Variants in PPP1R12A observed in about 807,000 individuals in gnomAD.
The protein encoded by PPP1R12A is myosin binding subunit.
In PPP1R12A, 19 loss-of-function variants were observed where a neutral mutation model predicts 139.6. That is an observed-to-expected ratio of 0.14 (90% CI 0.09 to 0.20). The LOEUF (loss-of-function observed/expected upper bound fraction) is 0.20, where lower values mean the gene tolerates loss of function less well. Ranked by LOEUF, PPP1R12A falls within the 10% of genes least tolerant of loss-of-function variation. PPP1R12A has a pLI of 1.00. For synonymous variants in PPP1R12A, 427 were observed against 420.6 expected (o/e 1.02, Z -0.19); for missense variants, 925 against 1,211.5 (o/e 0.76, Z 3.51).
chr12:79,901,034 A>G (rs981369066), intron 1 of PPP1R12A, among the ~76,000 whole-genome samples: 2 of 152,236 alleles, frequency 1.3e-5, no homozygotes, highest in African/African-American at 4.8e-5. Context: ...GACAAAATCA[A>G]GAAACTTCTA....
At chr12:79,811,063 A>C (rs1874464224) in intron 9 of PPP1R12A, among the ~76,000 whole-genome samples, 1 of 152,154 alleles carries the variant, frequency 6.6e-6, no homozygotes. Context: ...TCACTTCTAG[A>C]AATTCTATAC....
intron 11 of PPP1R12A, among the ~76,000 whole-genome samples, chr12:79,807,826 C>T (rs1323133529): frequency 6.6e-6 from 1 of 151,880 alleles, no homozygotes; most frequent in East Asian, 1.9e-4. Flanking sequence ...ATCACAAGGT[C>T]AAGAGTTCAA....
intron 1 of PPP1R12A, among the ~76,000 whole-genome samples, chr12:79,931,032 TTGAATTTAAAGAAATTC>T (rs1277276121): frequency 3.3e-5 from 5 of 152,210 alleles, no homozygotes; most frequent in African/African-American, 1.2e-4. Context: ...CTGTTTTAGG[TTGAATTTAAAGAAATTC>T]CTGACGATGT....
chr12:79,869,361 C>T (rs1024584703), intron 2 of PPP1R12A, among the ~76,000 whole-genome samples: 2 of 152,150 alleles, frequency 1.3e-5, no homozygotes, highest in African/African-American at 2.4e-5. Context: ...TCCTCAAATC[C>T]TCAGAGTAAA....
intron 1 of PPP1R12A, among the ~76,000 whole-genome samples, chr12:79,906,622 TATTTATTTATTTATAA>T (rs1409600375): frequency 6.6e-6 from 1 of 151,870 alleles, no homozygotes; most frequent in Non-Finnish European, 1.5e-5. Context: ...TGTATGTATG[TATTTATTTATTTATAA>T]ATTTATTTAT....
chr12:79,848,668 T>C (rs1358029338), intron 2 of PPP1R12A: 1 of 152,222 alleles, frequency 6.6e-6, no homozygotes, highest in Non-Finnish European at 1.5e-5. Context: ...TATGTACTTA[T>C]GCATGCAAAC....
rs547947058 is a variant in PPP1R12A at position 79,917,956 on chromosome 12, A to T, written c.237+16739T>A. On this transcript the variant is annotated intron_variant, in intron 1 of 24. Coordinates refer to ENST00000450142, the MANE Select transcript of PPP1R12A (RefSeq NM_002480.3). Reference sequence around the variant, plus strand: ...AGCATACTATTTCAGTCAATAAAAGACTTGTAGATCGTTACTACTACCACT... The same window carrying T: ...AGCATACTATTTCAGTCAATAAAAGTCTTGTAGATCGTTACTACTACCACT... 1.3e-5 allele frequency among the ~76,000 whole-genome samples: 2 copies of T among 152,264 alleles called. 1 individual carries two copies. Among genetic ancestry groups the T allele is most frequent in the African/African-American group, 4.8e-5 (2 of 41,564 alleles).
Position 79,776,021 on chromosome 12 carries a change from A to G in PPP1R12A, c.3007-6T>C. On this transcript the variant is annotated splice_polypyrimidine_tract_variant and splice_region_variant and intron_variant, in intron 24 of 24. Coordinates refer to ENST00000450142, the MANE Select transcript of PPP1R12A (RefSeq NM_002480.3). The stretch of plus-strand genomic sequence containing the variant: ...GCTTTTAGGTCTGGTAACATCTATA[A>G]AGAGAAAAATTGAAGATCAAGTTTT... 1 of 1,554,098 alleles carries G rather than the reference A, an allele frequency of 6.4e-7. No homozygotes were observed. Among genetic ancestry groups the G allele is most frequent in the Non-Finnish European group, 8.7e-7 (1 of 1,144,388 alleles).
chr12:79,892,907 C>T (rs1306584629), intron 1 of PPP1R12A, among the ~76,000 whole-genome samples: 1 of 152,020 alleles, frequency 6.6e-6, no homozygotes, highest in Non-Finnish European at 1.5e-5. Context: ...AGTTCGAGAC[C>T]AGCCTGGCCA....
At chr12:79,808,459 TA>T in intron 11 of PPP1R12A, 23 bp downstream of exon 11, 1 of 1,477,528 alleles carries the variant, frequency 6.8e-7, no homozygotes. Context: ...AGTGAATGCA[TA>T]AAGCAAATCA....
At chr12:79,934,401 T>C (rs1888503943) in intron 1 of PPP1R12A, among the ~76,000 whole-genome samples, 1 of 152,148 alleles carries the variant, frequency 6.6e-6, no homozygotes, top group Non-Finnish European at 1.5e-5. Flanking sequence ...AATCCCAGAC[T>C]TATCCACGAA....
chr12:79,906,863 C>T (rs1020237895), intron 1 of PPP1R12A, among the ~76,000 whole-genome samples: 32 of 152,198 alleles, frequency 2.1e-4, no homozygotes, highest in African/African-American at 7.5e-4. Context: ...CCCGGCTGGT[C>T]TCGAACTCCT....
At chr12:79,883,604 T>TA (rs1185699028) in intron 1 of PPP1R12A, among the ~76,000 whole-genome samples, 9 of 152,220 alleles carry the variant, frequency 5.9e-5, no homozygotes, top group African/African-American at 1.7e-4. Flanking sequence ...GCTGAATTTA[T>TA]AGGTGTCTGT....
At chr12:79,877,182 A>T (rs995698433) in intron 1 of PPP1R12A, among the ~76,000 whole-genome samples, 4 of 152,284 alleles carry the variant, frequency 2.6e-5, no homozygotes, top group South Asian at 2.1e-4. Context: ...ATTTATCATA[A>T]AAATTCCCTA....
At chr12:79,850,925 A>C (rs1194722192) in intron 2 of PPP1R12A, among the ~76,000 whole-genome samples, 1 of 152,146 alleles carries the variant, frequency 6.6e-6, no homozygotes, top group Non-Finnish European at 1.5e-5. Flanking sequence ...TTCCCCTGCC[A>C]TGCTTCCTGT....
intron 1 of PPP1R12A, among the ~76,000 whole-genome samples, chr12:79,912,722 T>A (rs186879451): frequency 2.0e-3 from 306 of 151,560 alleles, no homozygotes; most frequent in Admixed American, 5.1e-3. Context: ...GAAATAAAAT[T>A]AATGAATCTC....
At chr12:79,880,475 G>A (rs1029120743) in intron 1 of PPP1R12A, among the ~76,000 whole-genome samples, 10 of 152,156 alleles carry the variant, frequency 6.6e-5, no homozygotes, top group African/African-American at 2.4e-4. Context: ...TGAATATAAT[G>A]CAAAGACTGT....
chr12:79,868,435 T>C (rs563124465), intron 2 of PPP1R12A, among the ~76,000 whole-genome samples: 5 of 152,334 alleles, frequency 3.3e-5, no homozygotes, highest in Non-Finnish European at 5.9e-5. Context: ...TTGCTAGGAC[T>C]ACCATAATAA....
Position 79,778,578 on chromosome 12 carries a change from C to T in PPP1R12A, c.2978G>A (p.Arg993Lys). Residue 993 changes from arginine (R) to lysine (K), a missense_variant, in exon 24 of 25, where the codon AGA becomes AAA. Arg to Lys is a conservative substitution (Grantham distance 26). Around this residue, in one of 4 missense-constraint regions of PPP1R12A, gnomAD observed 315 missense variants for 363.4 expected, o/e 0.87. Coordinates refer to ENST00000450142, the MANE Select transcript of PPP1R12A (RefSeq NM_002480.3). ...GAGCTCTTCTTCCATTTCAGATATT[C>T]TTCTTTCTAGAGCTCTTCGTTCCTA... ...EKRERRALERRISEMEEELKM... is the reference protein window; with the variant it reads ...EKRERRALERKISEMEEELKM... 1 of 1,534,102 alleles carries T rather than the reference C, an allele frequency of 6.5e-7. No individual in the cohort carries two copies. The highest frequency in any genetic ancestry group is 1.8e-4 in the Middle Eastern group (1 of 5,492).
Sources: gnomAD v4.1 joint callset for allele counts (sites outside exome capture counted in the v4.1 genomes callset) on GRCh38, gnomAD v4.1.1 for gene constraint, gnomAD v4.1.1 regional missense constraint, MANE v1.5 for transcripts, NCBI Gene and HGNC (gene_info 2026-07-23, HGNC 2026-07-21) for gene names.